TIAM1: variants seen among roughly 807,000 people sequenced by gnomAD.
TIAM1 encodes the protein TIAM Rac1 associated GEF 1, also known as rho guanine nucleotide exchange factor TIAM1.
A neutral mutation model predicts 163.5 loss-of-function variants in TIAM1; 65 were observed. That is an observed-to-expected ratio of 0.40 (90% CI 0.33 to 0.49). The LOEUF is 0.49. TIAM1 is among the 20% of genes least tolerant of loss of function. The probability of loss-of-function intolerance (pLI) is 0.77; values close to 1 mark genes in which losing one functional copy is unlikely to be tolerated. For missense variants in TIAM1, 1,789 were observed against 2,044.7 expected (o/e 0.87, Z 2.41); for synonymous variants, 833 against 810.1 (o/e 1.03, Z -0.48).
At chr21:31,366,852 A>G (rs1375543179) in intron 2 of TIAM1, among the ~76,000 whole-genome samples, 1 of 152,104 alleles carries the variant, frequency 6.6e-6, no homozygotes, top group Non-Finnish European at 1.5e-5. Context: ...TCTTAACCTC[A>G]TGTGATCCAC....
At chr21:31,530,183 A>G (rs1346677747) in intron 1 of TIAM1, among the ~76,000 whole-genome samples, 1 of 152,228 alleles carries the variant, frequency 6.6e-6, no homozygotes, top group Non-Finnish European at 1.5e-5. Context: ...CTCTGAATTC[A>G]TACTGAAAAG....
At chr21:31,124,457 C>T (rs781089638) in intron 27 of TIAM1, 65 bp downstream of exon 27, 24 of 1,596,308 alleles carry the variant, frequency 1.5e-5, no homozygotes, top group Non-Finnish European at 8.5e-7. Flanking sequence ...GGAGGTCAAG[C>T]TCACTGGAGT....
intron 2 of TIAM1, among the ~76,000 whole-genome samples, chr21:31,458,289 G>A (rs745997102): frequency 1.3e-5 from 2 of 151,916 alleles, no homozygotes; most frequent in Non-Finnish European, 2.9e-5. Flanking sequence ...CATAGGGGGC[G>A]GGCGCCTGTA....
intron 2 of TIAM1, among the ~76,000 whole-genome samples, chr21:31,300,187 C>A (rs2074447606): frequency 6.6e-6 from 1 of 152,152 alleles, no homozygotes; most frequent in African/African-American, 2.4e-5. Flanking sequence ...CACTCGGTAT[C>A]TTGCTCCTGC....
rs2087930468 is a variant in TIAM1 at position 31,225,856 on chromosome 21, AG to A, written c.1678del (p.Leu560SerfsTer4). ...VARHHHKEDT[L>X]RLLKSEIKKL... ...TTTGATCTCTGATTTCAGGAGTCGG[AG>A]CGTGTCTTCCTTGTGGTGGTGCCTC... On this transcript the variant is annotated frameshift_variant, in exon 7 of 28. Transcript: ENST00000541036. LOFTEE classifies it high-confidence loss of function. 1 of 1,614,028 alleles carries A rather than the reference AG, an allele frequency of 6.2e-7. No homozygotes were observed. Among genetic ancestry groups the A allele is most frequent in the African/African-American group, 1.3e-5 (1 of 74,908 alleles).
chr21:31,525,198 G>A (rs2047736889), intron 1 of TIAM1, among the ~76,000 whole-genome samples: 1 of 151,690 alleles, frequency 6.6e-6, no homozygotes, highest in Non-Finnish European at 1.5e-5. Context: ...GGTGACACCT[G>A]TCTCTAATAA....
At chr21:31,453,067 TATTGGATC>T in intron 2 of TIAM1, 1 of 390,724 alleles carries the variant, frequency 2.6e-6, no homozygotes, top group East Asian at 6.5e-5. Context: ...CTGGGAGATA[TATTGGATC>T]TTCTGTTTGG....
At chr21:31,315,795 C>A (rs1243083017) in intron 2 of TIAM1, among the ~76,000 whole-genome samples, 1 of 151,496 alleles carries the variant, frequency 6.6e-6, no homozygotes, top group African/African-American at 2.4e-5. Flanking sequence ...TCCTGGCCAA[C>A]AGGGTGAAAC....
At chr21:31,517,609 G>A (rs2047428461) in intron 1 of TIAM1, among the ~76,000 whole-genome samples, 1 of 152,094 alleles carries the variant, frequency 6.6e-6, no homozygotes, top group Non-Finnish European at 1.5e-5. Context: ...CACAGGCCAA[G>A]GAATGCCGGT....
rs184891979 is a variant in TIAM1, at chr21:31,316,227, A to T, written c.-189+23016T>A. Among the ~76,000 whole-genome samples the T allele has an allele frequency of 2.0e-5, 3 of 152,288 alleles. No homozygotes were observed. In the East Asian group the frequency reaches 5.8e-4, roughly 29 times the overall value. On this transcript the variant is annotated intron_variant, in intron 2 of 27. Transcript: ENST00000541036. ...AATTCTGAAATCCACAAAATTGAAG[A>T]TTGTCACCTAGCTGTTTCCTGCCTC...
At chr21:31,413,506 G>A (rs372176180) in intron 2 of TIAM1, among the ~76,000 whole-genome samples, 9 of 151,740 alleles carry the variant, frequency 5.9e-5, no homozygotes, top group Admixed American at 6.6e-5. Context: ...TCCTGACGTC[G>A]TGATCCACCC....
intron 13 of TIAM1, among the ~76,000 whole-genome samples, chr21:31,188,108 T>C (rs781436883): frequency 1.3e-4 from 20 of 151,980 alleles, no homozygotes; most frequent in African/African-American, 4.6e-4. Flanking sequence ...CAGGGAGTCA[T>C]TGAGCCTTTT....
Position 31,395,874 on chromosome 21 carries a change from A to G in TIAM1, c.-368-56452T>C, listed in dbSNP as rs1409818170. ...ACAGCAGGCCAGTAGGGAGGGCCTG[A>G]ACAGAAAGAAAACAAGGAGCGAAAA... On this transcript the variant is annotated intron_variant, in intron 2 of 28. Coordinates refer to the TIAM1 transcript ENST00000286827. The surrounding 1 kb of genome is among the most constrained non-coding windows in gnomAD (Gnocchi z 7.5). Among the ~76,000 whole-genome samples, 1 of 152,196 alleles carries G rather than the reference A, an allele frequency of 6.6e-6. No homozygotes were observed. The highest frequency in any genetic ancestry group is 1.5e-5 in the Non-Finnish European group (1 of 68,028).
At chr21:31,339,095 T>A (rs749830183) in intron 2 of TIAM1, 148 bp downstream of exon 2, 2 of 362,336 alleles carry the variant, frequency 5.5e-6, no homozygotes, top group Non-Finnish European at 9.8e-6. Flanking sequence ...GTGGGGAGAC[T>A]CAGCAACCCT....
At chr21:31,330,566 G>A (rs970053297) in intron 2 of TIAM1, among the ~76,000 whole-genome samples, 5 of 152,176 alleles carry the variant, frequency 3.3e-5, no homozygotes, top group Non-Finnish European at 4.4e-5. Flanking sequence ...AGCCTCCCAA[G>A]TAGCTGGGAT....
Position 31,120,269 on chromosome 21 carries a change from G to A in TIAM1, c.*99C>T, listed in dbSNP as rs2081947502. On this transcript the variant is annotated 3_prime_UTR_variant, in exon 28 of 28. Transcript: ENST00000541036. The surrounding 1 kb of genome is among the most constrained non-coding windows in gnomAD (Gnocchi z 4.2). ...AGCTGCCAAAACCGTGTGTGCAAGA[G>A]CGCGACCTAAGGGGACATTCTTGTC... 7.9e-7 allele frequency: 1 copy of A among 1,264,108 alleles called. No homozygotes were observed. The highest frequency in any genetic ancestry group is 1.1e-6 in the Non-Finnish European group (1 of 926,096). The allele number at this position is 1,264,108 out of a possible 1,614,324, so 78.3% of individuals were successfully genotyped here.
At chr21:31,557,421 T>C (rs773575622) in intron 1 of TIAM1, among the ~76,000 whole-genome samples, 31 of 152,318 alleles carry the variant, frequency 2.0e-4, no homozygotes, top group Non-Finnish European at 3.5e-4. Flanking sequence ...TTAATCTATA[T>C]GGTCGTTTAA....
chr21:31,223,635 G>C (rs760627475), intron 7 of TIAM1, 44 bp from the exon 8 acceptor site: 1 of 1,550,552 alleles, frequency 6.4e-7, no homozygotes, highest in African/African-American at 1.4e-5. Context: ...GAGAAAATGG[G>C]AAACAAATGC....
At chr21:31,343,654 C>T (rs2076084173) in intron 1 of TIAM1, among the ~76,000 whole-genome samples, 1 of 152,090 alleles carries the variant, frequency 6.6e-6, no homozygotes, top group Admixed American at 6.5e-5. Context: ...AATATTCCTT[C>T]GGAACTTTTT....
Sources: gnomAD v4.1 joint callset for allele counts (sites outside exome capture counted in the v4.1 genomes callset) on GRCh38, gnomAD v4.1.1 for gene constraint, Gnocchi (gnomAD v3.1) non-coding constraint, MANE v1.5 for transcripts, NCBI Gene and HGNC (gene_info 2026-07-23, HGNC 2026-07-21) for gene names.